Variants in DOK6 observed in about 807,000 individuals in gnomAD.
DOK6 encodes docking protein 6, also known as downstream of tyrosine kinase 6.
A neutral mutation model predicts 44.0 loss-of-function variants in DOK6; 22 were observed. The observed-to-expected ratio is 0.50, with a 90% CI of 0.36 to 0.71. The LOEUF is 0.71. Among genes scored for constraint, DOK6 ranks in the 30% least tolerant of loss-of-function variants. The pLI is 0.00. For missense variants in DOK6, 340 were observed against 416.4 expected (o/e 0.82, Z 1.60); for synonymous variants, 166 against 145.5 (o/e 1.14, Z -1.01).
At chr18:69,677,949 T>C (rs1599258459) in intron 4 of DOK6, 96 bp downstream of exon 4, 17 of 1,469,266 alleles carry the variant, frequency 1.2e-5, no homozygotes, top group Non-Finnish European at 1.5e-5. Context: ...AGACCAATCA[T>C]ATTTTTTAAA....
intron 7 of DOK6, among the ~76,000 whole-genome samples, chr18:69,791,236 T>C (rs114557886): frequency 0.01 from 1,557 of 152,320 alleles, 25 homozygotes; most frequent in African/African-American, 0.036. Context: ...ATCTCTTCAA[T>C]ACACTTATTT....
intron 1 of DOK6, among the ~76,000 whole-genome samples, chr18:69,507,867 A>G (rs80302181): frequency 0.012 from 1,859 of 152,064 alleles, 43 homozygotes; most frequent in African/African-American, 0.043. Context: ...GCCTTGTTGC[A>G]CTGACTGGAT....
At chr18:69,640,715 C>T (rs901988708) in intron 3 of DOK6, among the ~76,000 whole-genome samples, 2 of 152,084 alleles carry the variant, frequency 1.3e-5, no homozygotes, top group African/African-American at 2.4e-5. Context: ...ACCAGCAAGA[C>T]ATTAAAAAAT....
At chr18:69,727,021 A>C (rs548927039) in intron 5 of DOK6, among the ~76,000 whole-genome samples, 18 of 152,110 alleles carry the variant, frequency 1.2e-4, no homozygotes, top group Admixed American at 7.2e-4. Context: ...TGCCTGGCTA[A>C]GTTTTTTTAT....
chr18:69,400,917 G>A lies in DOK6; in HGVS notation c.-328G>A, dbSNP rs1368645463. 2 of 147,176 alleles carry A rather than the reference G, an allele frequency of 1.4e-5. No homozygotes were observed. Among genetic ancestry groups the A allele is most frequent in the Non-Finnish European group, 3.0e-5 (2 of 66,152 alleles). The allele number at this position is 147,176 out of a possible 1,614,324, so 9.1% of individuals were successfully genotyped here. A position where few individuals can be genotyped will look rare whatever the true frequency, so the allele number is the denominator to read the frequency against. ...GCCGCCGAGCGAGGCGCCAGCCCGT[G>A]GGTGCTGCCGGGGGCGGCGGCGCGG... On this transcript the variant is annotated 5_prime_UTR_variant, in exon 1 of 8. Coordinates refer to ENST00000382713, the MANE Select transcript of DOK6 (RefSeq NM_152721.6).
intron 1 of DOK6, among the ~76,000 whole-genome samples, chr18:69,481,261 C>T (rs72957471): frequency 6.6e-6 from 1 of 151,668 alleles, no homozygotes; most frequent in East Asian, 1.9e-4. Flanking sequence ...TCTAGGGTAC[C>T]TGTGCATGAT....
intron 1 of DOK6, among the ~76,000 whole-genome samples, chr18:69,506,438 A>G (rs1219364904): frequency 6.6e-6 from 1 of 152,094 alleles, no homozygotes; most frequent in Non-Finnish European, 1.5e-5. Flanking sequence ...CTGACAACCT[A>G]TGATTTGTTA....
chr18:69,491,942 C>A lies in DOK6; in HGVS notation c.67-72545C>A, dbSNP rs181727044. Among the ~76,000 whole-genome samples, 21 of 152,050 alleles carry A rather than the reference C, an allele frequency of 1.4e-4. 1 individual carries two copies. Among genetic ancestry groups the A allele is most frequent in the African/African-American group, 2.4e-5 (1 of 41,398 alleles). On this transcript the variant is annotated intron_variant, in intron 1 of 7. Coordinates refer to ENST00000382713, the MANE Select transcript of DOK6 (RefSeq NM_152721.6). ...AAATGGCAATCAATGTGCAGAGAACCAAAAGAATATTAAATATGAGTATTT... is the reference window on the plus strand; with the variant it reads ...AAATGGCAATCAATGTGCAGAGAACAAAAAGAATATTAAATATGAGTATTT...
At chr18:69,586,824 C>T (rs1983512319) in intron 2 of DOK6, among the ~76,000 whole-genome samples, 1 of 152,178 alleles carries the variant, frequency 6.6e-6, no homozygotes, top group Non-Finnish European at 1.5e-5. Flanking sequence ...CCGAATGGAA[C>T]TTCACCTCCC....
chr18:69,754,351 CAAA>C lies in DOK6; in HGVS notation c.739-3390_739-3388del, dbSNP rs34141961. On this transcript the variant is annotated intron_variant, in intron 6 of 7. Coordinates refer to ENST00000382713, the MANE Select transcript of DOK6 (RefSeq NM_152721.6). ...GGGCAACAGAGTGAGACCCTATCTC[CAAA>C]AAAAAAAAAAAAAAGAAGTTATCAA... Among the ~76,000 whole-genome samples the C allele has an allele frequency of 5.8e-4, 70 of 121,442 alleles. 1 individual carries two copies. Among genetic ancestry groups the C allele is most frequent in the African/African-American group, 1.9e-3 (58 of 31,088 alleles). The allele number at this position is 121,442 out of a possible 152,430, so 79.7% of individuals were successfully genotyped here.
chr18:69,405,350 TG>T (rs1053624213), intron 1 of DOK6, among the ~76,000 whole-genome samples: 18 of 152,134 alleles, frequency 1.2e-4, no homozygotes, highest in African/African-American at 4.1e-4. Context: ...CTGGACACGG[TG>T]GCTCACGCCT....
chr18:69,405,510 G>A (rs1279274975), intron 1 of DOK6, among the ~76,000 whole-genome samples: 1 of 152,024 alleles, frequency 6.6e-6, no homozygotes, highest in African/African-American at 2.4e-5. Flanking sequence ...AACTCGGAAG[G>A]TGGAAGTTGC....
At chr18:69,722,078 C>T (rs1028765069) in intron 5 of DOK6, among the ~76,000 whole-genome samples, 8 of 152,154 alleles carry the variant, frequency 5.3e-5, no homozygotes, top group Admixed American at 1.3e-4. Flanking sequence ...TTATTTCCAA[C>T]CTCTTTTCAA....
chr18:69,524,993 A>G (rs1981790767), intron 1 of DOK6, among the ~76,000 whole-genome samples: 2 of 151,174 alleles, frequency 1.3e-5, no homozygotes, highest in Non-Finnish European at 3.0e-5. Flanking sequence ...AAAAAACATT[A>G]ATTTTTGTCT....
At chr18:69,764,885 C>T (rs892580121) in intron 7 of DOK6, among the ~76,000 whole-genome samples, 1 of 152,082 alleles carries the variant, frequency 6.6e-6, no homozygotes, top group Non-Finnish European at 1.5e-5. Flanking sequence ...ATCCACAGGC[C>T]AGCTTTGCCT....
chr18:69,616,549 A>G (rs1438611149), intron 3 of DOK6, among the ~76,000 whole-genome samples: 3 of 151,012 alleles, frequency 2.0e-5, no homozygotes, highest in African/African-American at 7.3e-5. Context: ...AAGCAACTTT[A>G]GAACTAACTA....
chr18:69,542,189 G>A lies in DOK6; in HGVS notation c.67-22298G>A, dbSNP rs73970154. Among the ~76,000 whole-genome samples the A allele has an allele frequency of 8.6e-5, 13 of 151,532 alleles. 1 individual carries two copies. The highest frequency in any genetic ancestry group is 2.6e-4 in the Admixed American group (4 of 15,178). ...GTGGTTTATAGAACAGTTTGGAGAA[G>A]AAGAGAAGGATTAAATAGGAAACCA... On this transcript the variant is annotated intron_variant, in intron 1 of 7. Transcript: ENST00000382713.
rs528995906 is a variant in DOK6, at chr18:69,493,647, T to C, written c.67-70840T>C. On this transcript the variant is annotated intron_variant, in intron 1 of 7. Transcript: ENST00000382713. ...TTTTTCAAAATCATAGAGATACATA[T>C]ATGAAATTAGTATGCCCATCTTTTA... Among the ~76,000 whole-genome samples the C allele has an allele frequency of 9.9e-5, 15 of 152,272 alleles. No individual in the cohort carries two copies. The South Asian group carries it at 1.9e-3, about 19-fold the overall frequency.
chr18:69,664,712 T>C (rs1321897142), intron 3 of DOK6, among the ~76,000 whole-genome samples: 1 of 152,186 alleles, frequency 6.6e-6, no homozygotes, highest in Non-Finnish European at 1.5e-5. Flanking sequence ...TTTCGCTTAC[T>C]TTTCATTCAC....
Sources: allele counts gnomAD v4.1 joint callset (sites outside exome capture counted in the v4.1 genomes callset), GRCh38; gene constraint gnomAD v4.1.1; transcripts MANE v1.5; gene names NCBI Gene and HGNC (gene_info 2026-07-23, HGNC 2026-07-21).